Variants in GABPB2 observed in about 807,000 individuals in gnomAD.
GABPB2 encodes the protein GA-binding protein subunit beta-2.
In GABPB2, 23 loss-of-function variants were observed where a neutral mutation model predicts 39.1. The ratio of observed to expected loss-of-function variants is 0.59; its 90% CI spans 0.42 to 0.83. The LOEUF (loss-of-function observed/expected upper bound fraction) is 0.83. Among genes scored for constraint, GABPB2 ranks in the 40% least tolerant of loss-of-function variants. GABPB2 has a pLI of 0.00. For missense variants in GABPB2, 467 were observed against 541.1 expected, an observed-to-expected ratio of 0.86 and a Z score of 1.36; for synonymous variants, 184 against 199.3, an observed-to-expected ratio of 0.92 and a Z score of 0.65.
chr1:151,090,283 T>A (rs1445900791), intron 2 of GABPB2, 123 bp from the exon 3 acceptor site: 1 of 944,666 alleles, frequency 1.1e-6, no homozygotes, highest in East Asian at 2.7e-5. Flanking sequence ...TTTTTCAGTT[T>A]TATCTGCCCA....
chr1:151,104,791 T>TTC (rs1679811145), intron 6 of GABPB2, among the ~76,000 whole-genome samples: 3 of 54,896 alleles, frequency 5.5e-5, no homozygotes, highest in Non-Finnish European at 1.3e-4. Context: ...CTTTCTTTCT[T>TTC]TCTTTCTTTC....
intron 2 of GABPB2, among the ~76,000 whole-genome samples, chr1:151,089,020 T>G (rs1173540658): frequency 2.6e-5 from 4 of 152,086 alleles, no homozygotes; most frequent in African/African-American, 9.7e-5. Context: ...CTAGCTGTTT[T>G]GTTTCCTTTA....
At chr1:151,094,379 C>T in intron 4 of GABPB2, among the ~76,000 whole-genome samples, 1 of 130,852 alleles carries the variant, frequency 7.6e-6, no homozygotes, top group Non-Finnish European at 1.6e-5. Flanking sequence ...TTTCCCACCC[C>T]CGACCCCGAG....
At chr1:151,082,430 C>G (rs183237348) in intron 1 of GABPB2, among the ~76,000 whole-genome samples, 1 of 96,620 alleles carries the variant, frequency 1.0e-5, no homozygotes, top group African/African-American at 4.0e-5. Flanking sequence ...GAGACGGAGT[C>G]TTGCTCTGTC....
At chr1:151,102,038 T>G (rs996436991) in intron 5 of GABPB2, among the ~76,000 whole-genome samples, 3 of 152,190 alleles carry the variant, frequency 2.0e-5, no homozygotes, top group African/African-American at 7.2e-5. Context: ...AAGTACATCT[T>G]GGCTGGACAC....
chr1:151,082,517 T>G (rs1677815716), intron 1 of GABPB2, among the ~76,000 whole-genome samples: 1 of 139,830 alleles, frequency 7.2e-6, no homozygotes, highest in Admixed American at 7.8e-5. Flanking sequence ...TTCTCTTGCC[T>G]CAGGCCTCCT....
At chr1:151,075,428 G>A (rs1182000635) in intron 1 of GABPB2, among the ~76,000 whole-genome samples, 3 of 151,972 alleles carry the variant, frequency 2.0e-5, no homozygotes, top group Admixed American at 2.0e-4. Context: ...GCCGGGCATG[G>A]TGGCGGGCGC....
intron 3 of GABPB2, among the ~76,000 whole-genome samples, chr1:151,092,130 T>C (rs370645894): frequency 9.2e-6 from 1 of 108,184 alleles, no homozygotes; most frequent in African/African-American, 3.5e-5. Flanking sequence ...TTTTTTGAGA[T>C]GGAGTCTTGC....
intron 6 of GABPB2, among the ~76,000 whole-genome samples, chr1:151,106,628 G>A (rs1033460299): frequency 1.3e-5 from 2 of 152,192 alleles, no homozygotes; most frequent in Non-Finnish European, 2.9e-5. Flanking sequence ...GTGAGCCACT[G>A]TGCCCAGCCG....
At chr1:151,116,528 C>T (rs1470829704) in intron 7 of GABPB2, among the ~76,000 whole-genome samples, 2 of 151,930 alleles carry the variant, frequency 1.3e-5, no homozygotes, top group South Asian at 2.1e-4. Context: ...CAGATAATGG[C>T]TATTGGCTTT....
intron 1 of GABPB2, among the ~76,000 whole-genome samples, chr1:151,071,776 C>T (rs587752238): frequency 4.6e-5 from 7 of 152,292 alleles, no homozygotes; most frequent in African/African-American, 1.7e-4. Flanking sequence ...CCGGCCTCGC[C>T]TCTGCTTCTT....
chr1:151,079,438 A>C (rs1033584384), intron 1 of GABPB2, among the ~76,000 whole-genome samples: 4 of 152,082 alleles, frequency 2.6e-5, no homozygotes, highest in Admixed American at 6.6e-5. Context: ...GCTACTCAGG[A>C]GGCGAGGCAA....
intron 8 of GABPB2, among the ~76,000 whole-genome samples, chr1:151,117,732 T>C (rs1460565235): frequency 1.3e-5 from 2 of 152,136 alleles, no homozygotes; most frequent in South Asian, 2.1e-4. Context: ...TACAGGCACC[T>C]GCCACCATGC....
intron 6 of GABPB2, among the ~76,000 whole-genome samples, chr1:151,105,138 C>T (rs745818753): frequency 1.5e-4 from 23 of 152,030 alleles, no homozygotes; most frequent in Non-Finnish European, 3.2e-4. Flanking sequence ...AACTACTGAC[C>T]TCAGTGATCC....
At position 151,120,554 on chromosome 1, in the gene GABPB2, T is replaced by TATATATAA. The variant is rs925173579; in HGVS notation, c.*2300_*2307dup. 2 of 149,194 alleles carry TATATATAA rather than the reference T, an allele frequency of 1.3e-5. No homozygotes were observed. The highest frequency in any genetic ancestry group is 1.3e-4 in the Admixed American group (2 of 14,948). 9.2% of individuals were successfully genotyped at this position (149,194 alleles called of 1,614,324 possible). A position where few individuals can be genotyped will look rare whatever the true frequency, so the allele number is the denominator to read the frequency against. Reference sequence around the variant, plus strand: ...AGAAAACTTGTTTATGTGGGAGGAGTATATATAAAACCAAAATCCAGGCTG... The same window carrying TATATATAA: ...AGAAAACTTGTTTATGTGGGAGGAGTATATATAAATATATAAAACCAAAATCCAGGCTG... On this transcript the variant is annotated 3_prime_UTR_variant, in exon 9 of 9. Transcript: ENST00000368918.
intron 5 of GABPB2, among the ~76,000 whole-genome samples, chr1:151,099,779 A>C (rs587761738): frequency 1.3e-5 from 2 of 152,310 alleles, no homozygotes; most frequent in African/African-American, 4.8e-5. Context: ...TAGCTGCTTA[A>C]CCCTAGGAAA....
chr1:151,110,106 C>T (rs1680304851), intron 7 of GABPB2, among the ~76,000 whole-genome samples: 2 of 138,658 alleles, frequency 1.4e-5, no homozygotes, highest in East Asian at 2.2e-4. Flanking sequence ...AAGTGATCTG[C>T]CTGCCTTGGC....
At position 151,090,548 on chromosome 1, in the gene GABPB2, C is replaced by T. The variant is rs763771799; in HGVS notation, c.251C>T (p.Ala84Val). The T allele has an allele frequency of 6.8e-6, 11 of 1,613,788 alleles. No homozygotes were observed. Among genetic ancestry groups the T allele is most frequent in the Non-Finnish European group, 7.6e-6 (9 of 1,179,902 alleles). The change falls in exon 3 of 9, where the codon GCG becomes GTG. Residue 84 changes from alanine to valine, a missense_variant. Coordinates refer to ENST00000368918, the MANE Select transcript of GABPB2 (RefSeq NM_144618.3). ...PLHMAAADGHAHIVELLVRNG... is the reference protein window; with the variant it reads ...PLHMAAADGHVHIVELLVRNG... The stretch of plus-strand genomic sequence containing the variant: ...CACATGGCTGCAGCCGATGGACATG[C>T]GCACATCGTGGAACTGCTTGTTCGG...
At chr1:151,092,079 C>T (rs1170183900) in intron 3 of GABPB2, among the ~76,000 whole-genome samples, 3 of 146,518 alleles carry the variant, frequency 2.0e-5, no homozygotes, top group African/African-American at 5.0e-5. Flanking sequence ...TGTGGGGTTA[C>T]TGTGCCTAGC....
Sources: gnomAD v4.1 joint callset for allele counts (sites outside exome capture counted in the v4.1 genomes callset) on GRCh38, gnomAD v4.1.1 for gene constraint, MANE v1.5 for transcripts, NCBI Gene and HGNC (gene_info 2026-07-23, HGNC 2026-07-21) for gene names.